Variants in TNR observed in about 807,000 individuals in gnomAD.
TNR encodes tenascin-R.
In TNR, 45 loss-of-function variants were observed where a neutral mutation model predicts 150.4. The ratio of observed to expected loss-of-function variants is 0.30; its 90% CI spans 0.24 to 0.38. The LOEUF is 0.38. Ranked by LOEUF, TNR falls within the 10% of genes least tolerant of loss-of-function variation. TNR has a pLI of 1.00. For synonymous variants in TNR, 687 were observed against 678.4 expected (o/e 1.01, Z -0.20); for missense variants, 1,544 against 1,759.1 (o/e 0.88, Z 2.19).
At chr1:175,605,882 C>T (rs1423948612) in intron 1 of TNR, among the ~76,000 whole-genome samples, 3 of 152,156 alleles carry the variant, frequency 2.0e-5, no homozygotes, top group Non-Finnish European at 4.4e-5. Flanking sequence ...CAGGCTTAAC[C>T]CCTTGGTGGC....
rs377102786 is a variant in TNR at position 175,384,552 on chromosome 1, G to A, written c.1777+1480C>T. Among the ~76,000 whole-genome samples the A allele has an allele frequency of 3.3e-5, 5 of 152,254 alleles. No individual in the cohort carries two copies. The South Asian group carries it at 6.2e-4, about 19-fold the overall frequency. ...TGTCTGTACTTGCTCCTTTTTAAGG[G>A]GGAAGCTTTTCCCTGCCCTTGATGT... On this transcript the variant is annotated intron_variant, in intron 8 of 22. Transcript: ENST00000367674.
At chr1:175,371,594 G>A (rs1208535907) in intron 9 of TNR, among the ~76,000 whole-genome samples, 1 of 152,246 alleles carries the variant, frequency 6.6e-6, no homozygotes, top group African/African-American at 2.4e-5. Context: ...AAAAAGAGAA[G>A]TAAAAAATGA....
chr1:175,352,814 A>ACG (rs1651118674), intron 18 of TNR, among the ~76,000 whole-genome samples: 2 of 152,194 alleles, frequency 1.3e-5, no homozygotes, highest in Non-Finnish European at 2.9e-5. Context: ...ACTCGTTCAC[A>ACG]ATCTCCGCAC....
intron 1 of TNR, among the ~76,000 whole-genome samples, chr1:175,729,405 G>A (rs1204274586): frequency 6.9e-6 from 1 of 145,792 alleles, no homozygotes; most frequent in East Asian, 2.0e-4. Flanking sequence ...TCAAGTTTCT[G>A]GTGTAAGGCC....
chr1:175,718,434 C>T (rs2101942011), intron 1 of TNR, among the ~76,000 whole-genome samples: 1 of 152,272 alleles, frequency 6.6e-6, no homozygotes, highest in Admixed American at 6.5e-5. Flanking sequence ...CCCCTGAAAC[C>T]CCAGAGAGGA....
chr1:175,317,962 T>C lies in TNR; in HGVS notation c.*5395A>G, dbSNP rs541897664. The C allele has an allele frequency of 2.0e-5, 3 of 152,208 alleles. No individual in the cohort carries two copies. The highest frequency in any genetic ancestry group is 7.2e-5 in the African/African-American group (3 of 41,430). The allele number at this position is 152,208 out of a possible 1,614,324, so 9.4% of individuals were successfully genotyped here. ...CAAGGACATTTGGACAATGAAGTGC[T>C]GCAGGTGCAATGAAGTCATGTTTCA... is the stretch of plus-strand genomic sequence containing the variant. On this transcript the variant is annotated 3_prime_UTR_variant, in exon 23 of 23. Transcript: ENST00000367674.
At chr1:175,522,738 C>T (rs1173517954) in intron 2 of TNR, among the ~76,000 whole-genome samples, 5 of 152,076 alleles carry the variant, frequency 3.3e-5, no homozygotes. Flanking sequence ...AAAAATAAAG[C>T]TGTTATGAGG....
At chr1:175,498,227 T>C (rs1190904834) in intron 2 of TNR, among the ~76,000 whole-genome samples, 1 of 152,184 alleles carries the variant, frequency 6.6e-6, no homozygotes, top group Non-Finnish European at 1.5e-5. Flanking sequence ...AGTAAGAAAC[T>C]GTTGCCAGGA....
intron 2 of TNR, 72 bp from the exon 3 acceptor site, chr1:175,406,849 A>G: frequency 8.1e-7 from 1 of 1,228,492 alleles, no homozygotes; most frequent in Non-Finnish European, 1.1e-6. Context: ...GCACAAGCCT[A>G]CAAAGCTCAG....
intron 7 of TNR, among the ~76,000 whole-genome samples, chr1:175,390,875 C>A (rs1653137312): frequency 6.6e-6 from 1 of 152,186 alleles, no homozygotes; most frequent in Non-Finnish European, 1.5e-5. Context: ...ATAAATTATT[C>A]TTGCTTATCT....
chr1:175,610,790 C>A (rs1201495169), intron 1 of TNR, among the ~76,000 whole-genome samples: 1 of 152,236 alleles, frequency 6.6e-6, no homozygotes, highest in Non-Finnish European at 1.5e-5. Context: ...AAATGTTCTT[C>A]GATTTGACAC....
intron 1 of TNR, among the ~76,000 whole-genome samples, chr1:175,529,851 T>C (rs1228109868): frequency 6.6e-6 from 1 of 152,198 alleles, no homozygotes; most frequent in Non-Finnish European, 1.5e-5. Flanking sequence ...TTGAACCAAC[T>C]GCATCAAAAG....
intron 1 of TNR, among the ~76,000 whole-genome samples, chr1:175,640,706 T>A (rs1262500500): frequency 6.6e-6 from 1 of 151,930 alleles, no homozygotes; most frequent in African/African-American, 2.4e-5. Flanking sequence ...CCCTTTAAAG[T>A]ACCTGGGCTA....
At chr1:175,583,813 G>A (rs1205415350) in intron 1 of TNR, among the ~76,000 whole-genome samples, 1 of 152,224 alleles carries the variant, frequency 6.6e-6, no homozygotes, top group Non-Finnish European at 1.5e-5. Flanking sequence ...AGTTGAGATA[G>A]TTCATGCAAA....
intron 9 of TNR, among the ~76,000 whole-genome samples, chr1:175,368,829 G>A (rs1651955920): frequency 1.3e-5 from 2 of 152,134 alleles, no homozygotes; most frequent in Non-Finnish European, 2.9e-5. Context: ...TGCACCTGTA[G>A]TCCCAGCTAT....
intron 1 of TNR, among the ~76,000 whole-genome samples, chr1:175,735,657 C>G (rs1667751663): frequency 6.6e-6 from 1 of 152,158 alleles, no homozygotes; most frequent in South Asian, 2.1e-4. Context: ...AACAATTACT[C>G]TAGCCCAGCC....
chr1:175,373,961 G>A (rs1362721860), intron 9 of TNR, among the ~76,000 whole-genome samples: 1 of 152,186 alleles, frequency 6.6e-6, no homozygotes, highest in Non-Finnish European at 1.5e-5. Context: ...ACCATGTTTA[G>A]AGGGTGCCTT....
At chr1:175,507,902 T>G (rs773563963) in intron 2 of TNR, among the ~76,000 whole-genome samples, 41 of 152,220 alleles carry the variant, frequency 2.7e-4, no homozygotes, top group Non-Finnish European at 3.8e-4. Flanking sequence ...TCTGTGGAAT[T>G]TACTTATCTA....
At chr1:175,592,425 C>G (rs1662836109) in intron 1 of TNR, among the ~76,000 whole-genome samples, 1 of 152,238 alleles carries the variant, frequency 6.6e-6, no homozygotes, top group Non-Finnish European at 1.5e-5. Flanking sequence ...CAGCGGAATT[C>G]TTAATGATCT....
Sources: gnomAD v4.1 joint callset for allele counts (sites outside exome capture counted in the v4.1 genomes callset) on GRCh38, gnomAD v4.1.1 for gene constraint, MANE v1.5 for transcripts, NCBI Gene and HGNC (gene_info 2026-07-23, HGNC 2026-07-21) for gene names.